Variants in CHD6 observed in about 807,000 individuals in gnomAD.
CHD6 encodes chromodomain helicase DNA binding protein 6, also known as ATP-dependent chromatin remodeler CHD6.
A neutral mutation model predicts 276.9 loss-of-function variants in CHD6; 50 were observed. That is an observed-to-expected ratio of 0.18 (90% CI 0.14 to 0.23). The LOEUF (loss-of-function observed/expected upper bound fraction) is 0.23, where lower values mean the gene tolerates loss of function less well. Among genes scored for constraint, CHD6 ranks in the 10% least tolerant of loss-of-function variants. The pLI is 1.00. For synonymous variants in CHD6, 1,173 were observed against 1,229.3 expected (o/e 0.95, Z 0.96); for missense variants, 2,564 against 3,365.8 (o/e 0.76, Z 5.89).
intron 16 of CHD6, chr20:41,482,545 C>T (rs910957177): frequency 5.8e-6 from 3 of 513,526 alleles, no homozygotes; most frequent in Non-Finnish European, 1.2e-5. Flanking sequence ...ACAAGATTTT[C>T]TTTAGACTTA....
chr20:41,518,587 C>T (rs73611293), intron 3 of CHD6, among the ~76,000 whole-genome samples: 1,914 of 152,164 alleles, frequency 0.013, 14 homozygotes, highest in South Asian at 0.027. Context: ...TAGGAAAATA[C>T]CGGCAGAAAC....
chr20:41,556,588 T>A (rs992497760), intron 1 of CHD6, among the ~76,000 whole-genome samples: 1 of 152,094 alleles, frequency 6.6e-6, no homozygotes, highest in African/African-American at 2.4e-5. Flanking sequence ...GCAGAGAGAA[T>A]GTGCATGTGA....
intron 1 of CHD6, among the ~76,000 whole-genome samples, chr20:41,558,940 CCTTA>C (rs1229886975): frequency 6.6e-6 from 1 of 152,142 alleles, no homozygotes; most frequent in East Asian, 1.9e-4. Flanking sequence ...TACAGTAATA[CCTTA>C]CTTAATGTCC....
At chr20:41,511,542 C>G (rs958616860) in intron 5 of CHD6, among the ~76,000 whole-genome samples, 1 of 152,178 alleles carries the variant, frequency 6.6e-6, no homozygotes, top group African/African-American at 2.4e-5. Flanking sequence ...AGTGGTCCTA[C>G]TCCTCTGCCT....
intron 1 of CHD6, among the ~76,000 whole-genome samples, chr20:41,601,242 C>T (rs563711654): frequency 9.0e-4 from 137 of 152,278 alleles, no homozygotes; most frequent in African/African-American, 3.1e-3. Context: ...TTTATTTCCC[C>T]TGAGATCACA....
At chr20:41,579,599 A>G (rs1298494131) in intron 1 of CHD6, among the ~76,000 whole-genome samples, 1 of 152,148 alleles carries the variant, frequency 6.6e-6, no homozygotes, top group Non-Finnish European at 1.5e-5. Flanking sequence ...TAAAGACTAT[A>G]CGTGAGATGT....
intron 5 of CHD6, among the ~76,000 whole-genome samples, chr20:41,512,035 T>C (rs1370757803): frequency 6.6e-6 from 1 of 152,180 alleles, no homozygotes; most frequent in Non-Finnish European, 1.5e-5. Context: ...TGACGCGATC[T>C]TGGCTCACTG....
chr20:41,404,650 TTCTC>T lies in CHD6; in HGVS notation c.8087_8090del (p.Arg2696AsnfsTer25). ...CCCCCTCCCCAGCCTGTGCCCCATG[TTCTC>T]TCTCTGCGGGCAAAGGGGCACTGGG... On this transcript the variant is annotated frameshift_variant, in exon 37 of 37. Coordinates refer to ENST00000373233, the MANE Select transcript of CHD6 (RefSeq NM_032221.5). LOFTEE classifies it high-confidence loss of function. The T allele has an allele frequency of 6.6e-7, 1 of 1,526,542 alleles. No homozygotes were observed. Among genetic ancestry groups the T allele is most frequent in the Non-Finnish European group, 8.8e-7 (1 of 1,137,128 alleles). 94.6% of individuals were successfully genotyped at this position (1,526,542 alleles called of 1,614,324 possible).
rs145690025 is a variant in CHD6, at chr20:41,415,346, A to G, written c.6779T>C (p.Leu2260Pro). 2 of 1,614,066 alleles carry G rather than the reference A, an allele frequency of 1.2e-6. No individual in the cohort carries two copies. The highest frequency in any genetic ancestry group is 1.7e-6 in the Non-Finnish European group (2 of 1,180,026). Residue 2260 changes from leucine (L) to proline (P), a missense_variant, in exon 34 of 37, where the codon CTG becomes CCG. By Grantham distance (98) the Leu-to-Pro change is moderately conservative. Transcript: ENST00000373233. ...GALGMDLSGILQAGLIHPVTG... is the reference protein window; with the variant it reads ...GALGMDLSGIPQAGLIHPVTG... ...CACAGGATGGATCAGGCCAGCTTGC[A>G]GAATCCCAGACAAGTCCATGCCAAG... is the stretch of plus-strand genomic sequence containing the variant.
At chr20:41,510,332 T>C (rs2044087391) in intron 5 of CHD6, among the ~76,000 whole-genome samples, 2 of 152,208 alleles carry the variant, frequency 1.3e-5, no homozygotes, top group African/African-American at 4.8e-5. Flanking sequence ...GTTTTGGTTC[T>C]GCAGCAACGA....
intron 5 of CHD6, among the ~76,000 whole-genome samples, chr20:41,500,309 A>C (rs1747630975): frequency 6.6e-6 from 1 of 152,178 alleles, no homozygotes; most frequent in African/African-American, 2.4e-5. Flanking sequence ...TAAAGCCATA[A>C]AATTATAGAA....
intron 3 of CHD6, among the ~76,000 whole-genome samples, chr20:41,530,982 G>T (rs374046031): frequency 1.1e-4 from 17 of 152,240 alleles, no homozygotes; most frequent in African/African-American, 3.6e-4. Flanking sequence ...CGTTAATATT[G>T]CTACATTTAT....
intron 27 of CHD6, among the ~76,000 whole-genome samples, chr20:41,430,275 G>A (rs1174496332): frequency 1.3e-5 from 2 of 152,240 alleles, no homozygotes; most frequent in African/African-American, 4.8e-5. Context: ...GATATGAAGA[G>A]CAAATCATAA....
chr20:41,497,911 T>C (rs1283611390), intron 7 of CHD6: 6 of 474,590 alleles, frequency 1.3e-5, no homozygotes, highest in Non-Finnish European at 1.9e-5. Flanking sequence ...AACACAACAA[T>C]CCTTGGGCCC....
At chr20:41,423,406 T>A in intron 30 of CHD6, 86 bp downstream of exon 30, 1 of 1,284,372 alleles carries the variant, frequency 7.8e-7, no homozygotes, top group South Asian at 1.2e-5. Context: ...CTAGTTTTTA[T>A]AGGTATACCT....
At chr20:41,590,231 T>C (rs2045642612) in intron 1 of CHD6, among the ~76,000 whole-genome samples, 3 of 152,182 alleles carry the variant, frequency 2.0e-5, no homozygotes, top group Admixed American at 1.3e-4. Flanking sequence ...GATTAAAGAC[T>C]TACATGTTAG....
intron 27 of CHD6, among the ~76,000 whole-genome samples, chr20:41,436,793 C>CA (rs1271458022): frequency 1.3e-5 from 2 of 152,052 alleles, no homozygotes; most frequent in African/African-American, 4.8e-5. Context: ...ATTTACAGAA[C>CA]ATTCTTAAAA....
chr20:41,411,139 C>G (rs141556262), intron 36 of CHD6, among the ~76,000 whole-genome samples: 1 of 152,038 alleles, frequency 6.6e-6, no homozygotes, highest in African/African-American at 2.4e-5. Flanking sequence ...AAGTCTCCCC[C>G]AAAGGGGCTG....
At chr20:41,543,658 C>G (rs1386328868) in intron 2 of CHD6, among the ~76,000 whole-genome samples, 1 of 152,100 alleles carries the variant, frequency 6.6e-6, no homozygotes, top group Non-Finnish European at 1.5e-5. Context: ...TCAGCTTCAC[C>G]CAGAAGGGTC....
Sources: gnomAD v4.1 joint callset for allele counts (sites outside exome capture counted in the v4.1 genomes callset) on GRCh38, gnomAD v4.1.1 for gene constraint, MANE v1.5 for transcripts, NCBI Gene and HGNC (gene_info 2026-07-23, HGNC 2026-07-21) for gene names.